Variants in PALM observed in about 807,000 individuals in gnomAD.
PALM encodes the protein paralemmin-1.
PALM carries 18 observed loss-of-function variants against 30.7 expected under a neutral mutation model. That is an observed-to-expected ratio of 0.59 (90% confidence interval 0.41 to 0.87). The LOEUF is 0.87. Ranked by LOEUF, PALM falls within the 40% of genes least tolerant of loss-of-function variation. The probability of loss-of-function intolerance (pLI) is 0.00; values close to 1 mark genes in which losing one functional copy is unlikely to be tolerated. For missense variants in PALM, 529 were observed against 555.4 expected (o/e 0.95, Z 0.48); for synonymous variants, 286 against 242.8 (o/e 1.18, Z -1.66).
chr19:710,920 C>T (rs2032056920), intron 1 of PALM, among the ~76,000 whole-genome samples: 1 of 152,236 alleles, frequency 6.6e-6, no homozygotes, highest in Non-Finnish European at 1.5e-5. Flanking sequence ...CGGCCTTGGA[C>T]ACCTGCCCCC....
chr19:740,959 C>T (rs187373408), intron 8 of PALM, among the ~76,000 whole-genome samples: 18 of 147,152 alleles, frequency 1.2e-4, no homozygotes, highest in African/African-American at 4.6e-4. Flanking sequence ...AGCAAGGCTC[C>T]GTCTCTACCA....
At chr19:731,718 G>T (rs972556638) in intron 5 of PALM, among the ~76,000 whole-genome samples, 1 of 152,166 alleles carries the variant, frequency 6.6e-6, no homozygotes, top group East Asian at 1.9e-4. Flanking sequence ...GCCCAGGCTG[G>T]AGTGTAGTGG....
chr19:746,488 C>A lies in PALM; in HGVS notation c.838C>A (p.Pro280Thr). 1 of 1,611,168 alleles carries A rather than the reference C, an allele frequency of 6.2e-7. No homozygotes were observed. The highest frequency in any genetic ancestry group is 8.5e-7 in the Non-Finnish European group (1 of 1,178,996). Residue 280 changes from proline (P) to threonine (T), a missense_variant, in exon 9 of 9, where the codon CCA becomes ACA. Physicochemically the swap from Pro to Thr is conservative, Grantham distance 38. Transcript: ENST00000338448. The surrounding 1 kb of genome is among the most constrained non-coding windows in gnomAD (Gnocchi z 7.1). Reference sequence around the variant, plus strand: ...GGAGATCACCGGTGTGCAGGCACAGCCAGGCGAGGCCACGTCCGGCCCGCC... The same window carrying A: ...GGAGATCACCGGTGTGCAGGCACAGACAGGCGAGGCCACGTCCGGCCCGCC... ...RREITGVQAQ[P>T]GEATSGPPGI...
At chr19:743,049 G>A (rs779331185) in intron 8 of PALM, among the ~76,000 whole-genome samples, 4 of 152,224 alleles carry the variant, frequency 2.6e-5, no homozygotes, top group Admixed American at 1.3e-4. Flanking sequence ...CCTCACCAGC[G>A]CTCGTAGCCC....
intron 1 of PALM, among the ~76,000 whole-genome samples, chr19:715,547 G>A (rs1043739816): frequency 6.6e-6 from 1 of 152,232 alleles, no homozygotes; most frequent in African/African-American, 2.4e-5. Flanking sequence ...CCTTGTGGAA[G>A]GACTGGCATG....
intron 1 of PALM, among the ~76,000 whole-genome samples, chr19:719,909 G>T (rs2032401763): frequency 6.6e-6 from 1 of 152,174 alleles, no homozygotes; most frequent in African/African-American, 2.4e-5. Context: ...GTTTTGATCC[G>T]TGCGTCGTGG....
intron 8 of PALM, 147 bp downstream of exon 8, chr19:740,630 C>T: frequency 2.7e-6 from 2 of 739,048 alleles, no homozygotes; most frequent in Non-Finnish European, 4.3e-6. Flanking sequence ...CAGGGCCTCA[C>T]CCCCTGTGGC....
At chr19:713,177 C>CGT (rs71335307) in intron 1 of PALM, among the ~76,000 whole-genome samples, 2 of 151,688 alleles carry the variant, frequency 1.3e-5, no homozygotes, top group Non-Finnish European at 2.9e-5. Flanking sequence ...TCTTGTGGGG[C>CGT]GTGGTGGTCT....
rs905649027 is a variant in PALM at position 735,930 on chromosome 19, T to C, written c.443-89T>C. 99 of 1,104,402 alleles carry C rather than the reference T, an allele frequency of 9.0e-5. 1 individual carries two copies. In the Admixed American group the frequency reaches 2.0e-3, roughly 22 times the overall value. The allele number at this position is 1,104,402 out of a possible 1,614,324, so 68.4% of individuals were successfully genotyped here. On this transcript the variant is annotated intron_variant, in intron 6 of 8. Transcript: ENST00000338448. ...GGTGCATGTGGGAGTCCGGATGCAC[T>C]TCTGTGAAGGGGCGTTGGGCTGTCT...
rs193153374 is a variant in PALM, at chr19:742,082, G to A, written c.634+1599G>A. On this transcript the variant is annotated intron_variant, in intron 8 of 8. Coordinates refer to ENST00000338448, the MANE Select transcript of PALM (RefSeq NM_002579.3). The surrounding 1 kb of genome is among the most constrained non-coding windows in gnomAD (Gnocchi z 5.5). ...CTTAATGGGAGGCTCATCTGGGCCC[G>A]GGACATTGAGGCTGCAATGAGCTAT... is the stretch of plus-strand genomic sequence containing the variant. Among the ~76,000 whole-genome samples the A allele has an allele frequency of 3.0e-3, 454 of 152,142 alleles. 4 individuals carry two copies. The highest frequency in any genetic ancestry group is 2.8e-3 in the Admixed American group (42 of 15,268).
At chr19:726,965 G>GCC in intron 2 of PALM, 43 bp from the exon 3 acceptor site, 13 of 1,037,588 alleles carry the variant, frequency 1.3e-5, no homozygotes, top group East Asian at 3.9e-5. Context: ...GGGTCTCCGG[G>GCC]ACCCCCACGC....
At position 717,077 on chromosome 19, in the gene PALM, G is replaced by A. The variant is rs139507026; in HGVS notation, c.5+7926G>A. 5.2e-3 allele frequency among the ~76,000 whole-genome samples: 789 copies of A among 152,106 alleles called. 9 individuals carry two copies. Among genetic ancestry groups the A allele is most frequent in the African/African-American group, 0.018 (754 of 41,498 alleles). On this transcript the variant is annotated intron_variant, in intron 1 of 8. Transcript: ENST00000338448. ...CCTGAGCAGCGGAGATTACAGGCAC[G>A]TGCCACCACGCCCGGCTAATTTTTG...
intron 3 of PALM, among the ~76,000 whole-genome samples, 199 bp from the exon 4 acceptor site, chr19:727,365 C>CTGACCT (rs1335851434): frequency 6.6e-6 from 1 of 151,748 alleles, no homozygotes; most frequent in Non-Finnish European, 1.5e-5. Context: ...AATCCTGACC[C>CTGACCT]TGACCTTGAC....
At chr19:716,326 T>A (rs2032254282) in intron 1 of PALM, among the ~76,000 whole-genome samples, 1 of 151,242 alleles carries the variant, frequency 6.6e-6, no homozygotes, top group Non-Finnish European at 1.5e-5. Flanking sequence ...GGCAGGAGAA[T>A]CGCTTGAACC....
chr19:717,024 G>A (rs147429276), intron 1 of PALM, among the ~76,000 whole-genome samples: 25,543 of 151,852 alleles, frequency 0.17, 2,838 homozygotes, highest in Non-Finnish European at 0.25. Flanking sequence ...CCGCCTCCCG[G>A]GTTCAAGTGG....
chr19:735,434 C>A (rs111322557), intron 6 of PALM, among the ~76,000 whole-genome samples: 3 of 58,624 alleles, frequency 5.1e-5, no homozygotes, highest in Admixed American at 2.0e-4. Flanking sequence ...GGATGGGATC[C>A]GTGTGTCTGA....
chr19:713,723 C>T (rs2032159052), intron 1 of PALM, among the ~76,000 whole-genome samples: 1 of 150,990 alleles, frequency 6.6e-6, no homozygotes, highest in Non-Finnish European at 1.5e-5. Context: ...GGACTACAGG[C>T]ATGCGCCACT....
intron 2 of PALM, 42 bp downstream of exon 2, chr19:726,231 G>T: frequency 6.4e-7 from 1 of 1,574,616 alleles, no homozygotes; most frequent in Non-Finnish European, 8.7e-7. Flanking sequence ...TCAGGGTGGG[G>T]AAGTGGGGGG....
intron 7 of PALM, 132 bp downstream of exon 7, chr19:736,210 G>A: frequency 1.5e-6 from 1 of 659,342 alleles, no homozygotes. Context: ...CGTGGTTATG[G>A]GGGTGGCAGC....
Sources: allele counts gnomAD v4.1 joint callset (sites outside exome capture counted in the v4.1 genomes callset), GRCh38; gene constraint gnomAD v4.1.1; non-coding constraint Gnocchi (gnomAD v3.1); transcripts MANE v1.5; gene names NCBI Gene and HGNC (gene_info 2026-07-23, HGNC 2026-07-21).